The following ANKAR variants were observed in gnomAD, a reference collection of about 807,000 sequenced individuals.
The protein encoded by ANKAR is ankyrin and armadillo repeat containing.
A neutral mutation model predicts 146.2 loss-of-function variants in ANKAR; 136 were observed. That is an observed-to-expected ratio of 0.93 (90% CI 0.81 to 1.07). The LOEUF (loss-of-function observed/expected upper bound fraction) is 1.07. Ranked by LOEUF, ANKAR falls within the 50% of genes least tolerant of loss-of-function variation. The probability of loss-of-function intolerance (pLI) is 0.00; values close to 1 mark genes in which losing one functional copy is unlikely to be tolerated. For synonymous variants in ANKAR, 500 were observed against 575.8 expected, an observed-to-expected ratio of 0.87 and a Z score of 1.88; for missense variants, 1,567 against 1,679.9, an observed-to-expected ratio of 0.93 and a Z score of 1.18.
chr2:189,682,464 A>G (rs1046178007), intron 2 of ANKAR, among the ~76,000 whole-genome samples: 11 of 152,152 alleles, frequency 7.2e-5, no homozygotes, highest in African/African-American at 2.7e-4. Context: ...GAAGTAGTTT[A>G]TAGGGGGAAT....
intron 15 of ANKAR, among the ~76,000 whole-genome samples, chr2:189,729,873 G>C (rs769337096): frequency 6.6e-6 from 1 of 151,836 alleles, no homozygotes; most frequent in African/African-American, 2.4e-5. Context: ...TAAACCCACT[G>C]TATATTTATT....
chr2:189,744,173 C>T (rs958320043), intron 21 of ANKAR, among the ~76,000 whole-genome samples: 12 of 152,154 alleles, frequency 7.9e-5, no homozygotes, highest in African/African-American at 2.9e-4. Flanking sequence ...CCGAATAGGA[C>T]CCATGTACAA....
At chr2:189,714,020 A>G (rs2040071194) in intron 10 of ANKAR, among the ~76,000 whole-genome samples, 1 of 152,050 alleles carries the variant, frequency 6.6e-6, no homozygotes, top group South Asian at 2.1e-4. Context: ...AGACAAGGGC[A>G]TTATATAATG....
downstream of ANKAR, chr2:189,762,742 A>T: frequency 1.0e-6 from 1 of 985,410 alleles, no homozygotes; most frequent in East Asian, 1.1e-4. Context: ...AAGACTGTCG[A>T]CTGCCCTTAT....
chr2:189,727,391 C>T (rs936613864), intron 12 of ANKAR, among the ~76,000 whole-genome samples: 8 of 151,504 alleles, frequency 5.3e-5, no homozygotes, highest in Non-Finnish European at 7.4e-5. Context: ...AAAAATTAGC[C>T]GGGTGTGGTG....
rs753937773 is a variant in ANKAR, at chr2:189,711,073, A to C, written c.2144A>C (p.Lys715Thr). ...LVEMLQCESY[K>T]RRMMAVMSLE... ...GAAATGTTACAGTGTGAAAGCTATA[A>C]ACGAAGGATGATGGCCGTCATGTCC... The change falls in exon 10 of 23, where the codon AAA (lysine) becomes ACA (threonine). Residue 715 changes from lysine to threonine, a missense_variant. Coordinates refer to ENST00000684021, the MANE Select transcript of ANKAR (RefSeq NM_001378068.1). 6.2e-7 allele frequency: 1 copy of C among 1,614,106 alleles called. No individual in the cohort carries two copies. Among genetic ancestry groups the C allele is most frequent in the Non-Finnish European group, 8.5e-7 (1 of 1,179,972 alleles).
Position 189,737,775 on chromosome 2 carries a change from C to A in ANKAR, c.3516C>A (p.Thr1172=). ...TAATATTGGAAAGTGGAATAATGAC[C>A]ATATCTATTTTTGAACGTTTTCTTG... ...QYLILESGIM[T]ISIFERFLES... The change falls in exon 18 of 23, where the codon ACC becomes ACA. Residue 1172 remains threonine (T), a synonymous_variant. Coordinates refer to ENST00000684021, the MANE Select transcript of ANKAR (RefSeq NM_001378068.1). The A allele has an allele frequency of 6.3e-7, 1 of 1,590,970 alleles. No individual in the cohort carries two copies. Among genetic ancestry groups the A allele is most frequent in the Non-Finnish European group, 8.5e-7 (1 of 1,172,974 alleles).
chr2:189,747,760 T>C (rs1382142573), downstream of ANKAR, among the ~76,000 whole-genome samples: 4 of 152,184 alleles, frequency 2.6e-5, no homozygotes, highest in Non-Finnish European at 4.4e-5. Context: ...TGGCAGGATC[T>C]TGGCTCACTC....
At position 189,727,851 on chromosome 2, in the gene ANKAR, TG is replaced by T. The variant is rs1307848114; in HGVS notation, c.2636-4del. 6.2e-7 allele frequency: 1 copy of T among 1,611,594 alleles called. No homozygotes were observed. On this transcript the variant is annotated splice_polypyrimidine_tract_variant and splice_region_variant and intron_variant, in intron 12 of 22. Transcript: ENST00000684021. ...TATTTAACTTGTTCTTAAATTCATT[TG>T]AAGATGTGTTGAAGGCTGTATCTTC...
intron 19 of ANKAR, among the ~76,000 whole-genome samples, chr2:189,739,019 G>A (rs759432448): frequency 2.6e-5 from 4 of 152,160 alleles, no homozygotes; most frequent in Admixed American, 6.5e-5. Flanking sequence ...TAATAGTGGT[G>A]GCAGATTTAC....
intron 7 of ANKAR, among the ~76,000 whole-genome samples, 174 bp downstream of exon 7, chr2:189,696,543 T>C (rs1167192636): frequency 6.6e-6 from 1 of 152,236 alleles, no homozygotes; most frequent in African/African-American, 2.4e-5. Flanking sequence ...GTATCACTTA[T>C]AGCTAGCTTA....
chr2:189,699,318 C>A (rs2037722598), intron 7 of ANKAR, among the ~76,000 whole-genome samples: 1 of 152,202 alleles, frequency 6.6e-6, no homozygotes, highest in Non-Finnish European at 1.5e-5. Context: ...TGCTCCTCAG[C>A]CAGCTTATCA....
At chr2:189,734,033 C>G (rs1273540495) in intron 17 of ANKAR, among the ~76,000 whole-genome samples, 2 of 151,998 alleles carry the variant, frequency 1.3e-5, no homozygotes, top group Admixed American at 6.6e-5. Flanking sequence ...TTGATGTTTT[C>G]CCCTAATTAA....
At chr2:189,741,747 A>C (rs2043352584) in intron 20 of ANKAR, among the ~76,000 whole-genome samples, 1 of 152,220 alleles carries the variant, frequency 6.6e-6, no homozygotes, top group Admixed American at 6.5e-5. Context: ...GATTTTAATC[A>C]CAAAAGCAGT....
intron 2 of ANKAR, among the ~76,000 whole-genome samples, chr2:189,680,416 G>A (rs1323795372): frequency 1.3e-5 from 2 of 151,366 alleles, no homozygotes; most frequent in Admixed American, 1.3e-4. Context: ...CTTTCACATT[G>A]TTTTCTTCTT....
downstream of ANKAR, chr2:189,762,915 T>C (rs764904772): frequency 1.4e-4 from 142 of 985,254 alleles, no homozygotes; most frequent in Non-Finnish European, 1.6e-4. Flanking sequence ...CGCACCTGCA[T>C]TTCCCCCAGA....
chr2:189,725,909 A>G (rs1460121585), intron 12 of ANKAR, among the ~76,000 whole-genome samples: 1 of 152,154 alleles, frequency 6.6e-6, no homozygotes, highest in Non-Finnish European at 1.5e-5. Context: ...CCTTGTCTCA[A>G]AAAAGAAAAG....
At chr2:189,727,192 CAAAAT>C (rs370894534) in intron 12 of ANKAR, among the ~76,000 whole-genome samples, 5 of 151,902 alleles carry the variant, frequency 3.3e-5, no homozygotes, top group African/African-American at 9.7e-5. Flanking sequence ...AAATACAAAA[CAAAAT>C]GAGACAGCTA....
At chr2:189,739,649 C>T (rs1366860479) in intron 19 of ANKAR, among the ~76,000 whole-genome samples, 2 of 151,518 alleles carry the variant, frequency 1.3e-5, no homozygotes, top group Non-Finnish European at 2.9e-5. Context: ...CTGTAACCTC[C>T]GCCTCCCAGG....
Sources: gnomAD v4.1 joint callset for allele counts (sites outside exome capture counted in the v4.1 genomes callset) on GRCh38, gnomAD v4.1.1 for gene constraint, MANE v1.5 for transcripts, NCBI Gene and HGNC (gene_info 2026-07-23, HGNC 2026-07-21) for gene names.